Variants in NUCB2 observed in about 807,000 individuals in gnomAD.
The protein encoded by NUCB2 is nucleobindin-2.
A neutral mutation model predicts 57.9 loss-of-function variants in NUCB2; 48 were observed. The observed-to-expected ratio is 0.83, with a 90% CI of 0.66 to 1.05. The LOEUF (loss-of-function observed/expected upper bound fraction) is 1.05. Ranked by LOEUF, NUCB2 falls within the 50% of genes least tolerant of loss-of-function variation. The probability of loss-of-function intolerance (pLI) is 0.00; values close to 1 mark genes in which losing one functional copy is unlikely to be tolerated. For missense variants in NUCB2, 442 were observed against 476.2 expected (o/e 0.93, Z 0.67); for synonymous variants, 139 against 152.1 (o/e 0.91, Z 0.64).
intron 2 of NUCB2, among the ~76,000 whole-genome samples, chr11:17,285,853 AT>A (rs1222105986): frequency 4.0e-5 from 6 of 151,288 alleles, no homozygotes; most frequent in African/African-American, 7.3e-5. Context: ...ATCTATGGTA[AT>A]TTTTTTTAAC....
chr11:17,292,124 A>G (rs1360827042), intron 2 of NUCB2, among the ~76,000 whole-genome samples: 1 of 152,144 alleles, frequency 6.6e-6, no homozygotes, highest in African/African-American at 2.4e-5. Flanking sequence ...CTTAAGTAAT[A>G]CTAAGTTCAA....
At chr11:17,282,250 ATATATATATT>A (rs1565358452) in intron 1 of NUCB2, among the ~76,000 whole-genome samples, 1 of 106,568 alleles carries the variant, frequency 9.4e-6, no homozygotes, top group Non-Finnish European at 1.7e-5. Context: ...ATATATATAT[ATATATATATT>A]TTTTTTTTTT....
At position 17,330,762 on chromosome 11, in the gene NUCB2, C is replaced by T. The variant is rs1039877840; in HGVS notation, c.1174-140C>T. ...GGGACTATAGGCGTGAGCCACTGCA[C>T]CTAGTCAAATCTAAATCTTATAGTT... On this transcript the variant is annotated intron_variant, in intron 12 of 13. Transcript: ENST00000529010. This position sits in a 1 kb window ranked among gnomAD's most constrained non-coding sequence, Gnocchi z 4.3. The T allele has an allele frequency of 5.9e-6, 4 of 672,586 alleles. No individual in the cohort carries two copies. The highest frequency in any genetic ancestry group is 1.1e-5 in the Non-Finnish European group (4 of 375,708). The allele number at this position is 672,586 out of a possible 1,614,324, so 41.7% of individuals were successfully genotyped here.
chr11:17,325,595 A>G (rs1279819059), intron 11 of NUCB2, among the ~76,000 whole-genome samples: 2 of 152,170 alleles, frequency 1.3e-5, no homozygotes, highest in Admixed American at 6.5e-5. Context: ...CTTTTAGGCA[A>G]CAGATCATTG....
rs568967802 is a variant in NUCB2, at chr11:17,331,369, G to C, written c.1256-43G>C. On this transcript the variant is annotated intron_variant, in intron 13 of 13. Transcript: ENST00000529010. ...ATATGAAGGAACATTTAGAATAAAGGAAGATACTTTTAAAATAAGAACTTT... is the reference window on the plus strand; with the variant it reads ...ATATGAAGGAACATTTAGAATAAAGCAAGATACTTTTAAAATAAGAACTTT... 1.6e-5 allele frequency: 19 copies of C among 1,197,492 alleles called. No homozygotes were observed. In the East Asian group the frequency reaches 4.6e-4, roughly 29 times the overall value. The allele number at this position is 1,197,492 out of a possible 1,614,324, so 74.2% of individuals were successfully genotyped here.
At chr11:17,286,441 A>G (rs1427120414) in intron 2 of NUCB2, among the ~76,000 whole-genome samples, 5 of 152,254 alleles carry the variant, frequency 3.3e-5, no homozygotes, top group Non-Finnish European at 5.9e-5. Context: ...AGAGAAGCTT[A>G]AGAACTCTGC....
chr11:17,311,957 G>A (rs760859590), intron 9 of NUCB2, 27 bp downstream of exon 9: 12 of 1,545,210 alleles, frequency 7.8e-6, no homozygotes, highest in Non-Finnish European at 1.1e-5. Context: ...AGTATTCAGT[G>A]TTCTTGTTCT....
At chr11:17,291,537 C>A (rs1179490936) in intron 2 of NUCB2, among the ~76,000 whole-genome samples, 1 of 1,380 alleles carries the variant, frequency 7.2e-4, no homozygotes, top group Non-Finnish European at 2.5e-3. Flanking sequence ...CAGAGTAAGA[C>A]TCTGCATCAA....
chr11:17,279,798 T>G (rs1461246487), intron 1 of NUCB2, among the ~76,000 whole-genome samples: 1 of 149,266 alleles, frequency 6.7e-6, no homozygotes, highest in African/African-American at 2.5e-5. Flanking sequence ...TTTTTTTTTT[T>G]TTTTTGAGAC....
At position 17,330,062 on chromosome 11, in the gene NUCB2, A is replaced by C; in HGVS notation, c.1003-65A>C. ...TATACTTTGCTAACCATAGAATTTT[A>C]AAGCTAAATCAGACTTTATTGTTGT... On this transcript the variant is annotated intron_variant, in intron 11 of 13. Transcript: ENST00000529010. This position sits in a 1 kb window ranked among gnomAD's most constrained non-coding sequence, Gnocchi z 4.3. 2.2e-6 allele frequency: 2 copies of C among 908,774 alleles called. No homozygotes were observed. Among genetic ancestry groups the C allele is most frequent in the Non-Finnish European group, 3.3e-6 (2 of 611,936 alleles). 56.3% of individuals were successfully genotyped at this position (908,774 alleles called of 1,614,324 possible).
chr11:17,284,896 T>G (rs1301725475), intron 2 of NUCB2, among the ~76,000 whole-genome samples: 1 of 152,106 alleles, frequency 6.6e-6, no homozygotes, highest in East Asian at 1.9e-4. Context: ...TGAAGCCCTG[T>G]GAGGGTAAGG....
intron 4 of NUCB2, among the ~76,000 whole-genome samples, chr11:17,297,361 C>T (rs1445430623): frequency 6.6e-6 from 1 of 152,028 alleles, no homozygotes; most frequent in African/African-American, 2.4e-5. Flanking sequence ...GACTGACTCC[C>T]GTTAGGTTGT....
intron 2 of NUCB2, among the ~76,000 whole-genome samples, chr11:17,294,678 TAAAAAAA>T (rs34406631): frequency 9.7e-6 from 1 of 102,662 alleles, no homozygotes; most frequent in African/African-American, 3.7e-5. Flanking sequence ...CGTGTTGCCT[TAAAAAAA>T]AAAAAAAAAA....
At chr11:17,342,153 G>A (rs1464973373) in intron 2 of NUCB2, among the ~76,000 whole-genome samples, 3 of 152,010 alleles carry the variant, frequency 2.0e-5, no homozygotes, top group Non-Finnish European at 4.4e-5. Context: ...CTGTGGGATC[G>A]GTGATGATAT....
At chr11:17,307,041 A>C (rs548250630) in intron 5 of NUCB2, among the ~76,000 whole-genome samples, 1 of 152,230 alleles carries the variant, frequency 6.6e-6, no homozygotes, top group African/African-American at 2.4e-5. Context: ...TCTTAATTTT[A>C]GGGAGGGGGG....
At chr11:17,283,361 CTA>C (rs1474223942) in intron 2 of NUCB2, 2 of 152,190 alleles carry the variant, frequency 1.3e-5, no homozygotes, top group African/African-American at 4.8e-5. Flanking sequence ...TGTCTGCCCT[CTA>C]TAAAATTGGG....
At chr11:17,346,516 G>C (rs1207526546) in intron 2 of NUCB2, among the ~76,000 whole-genome samples, 1 of 152,146 alleles carries the variant, frequency 6.6e-6, no homozygotes, top group African/African-American at 2.4e-5. Context: ...CTACCCTTCA[G>C]TGTTGTATGA....
intron 2 of NUCB2, chr11:17,283,409 T>C (rs1943083300): frequency 6.6e-6 from 1 of 152,238 alleles, no homozygotes; most frequent in African/African-American, 2.4e-5. Context: ...GATTTGGATA[T>C]TGGCAAGCAA....
chr11:17,327,593 G>C (rs563714897), intron 11 of NUCB2, among the ~76,000 whole-genome samples: 42 of 152,126 alleles, frequency 2.8e-4, no homozygotes, highest in African/African-American at 1.0e-3. Flanking sequence ...TCTAGATCTT[G>C]TAAGCATGCT....
Sources: gnomAD v4.1 joint callset for allele counts (sites outside exome capture counted in the v4.1 genomes callset) on GRCh38, gnomAD v4.1.1 for gene constraint, Gnocchi (gnomAD v3.1) non-coding constraint, MANE v1.5 for transcripts, NCBI Gene and HGNC (gene_info 2026-07-23, HGNC 2026-07-21) for gene names.